ZFPM2: variants seen among roughly 807,000 people sequenced by gnomAD.
ZFPM2 encodes the protein zinc finger protein ZFPM2.
A neutral mutation model predicts 98.6 loss-of-function variants in ZFPM2; 20 were observed. The observed-to-expected ratio is 0.20, with a 90% CI of 0.14 to 0.29. The LOEUF (loss-of-function observed/expected upper bound fraction) is 0.29. Ranked by LOEUF, ZFPM2 falls within the 10% of genes least tolerant of loss-of-function variation. ZFPM2 has a pLI of 1.00. For missense variants in ZFPM2, 1,310 were observed against 1,388.6 expected (o/e 0.94, Z 0.90); for synonymous variants, 518 against 502.7 (o/e 1.03, Z -0.41).
intron 5 of ZFPM2, among the ~76,000 whole-genome samples, chr8:105,662,074 T>A (rs529197486): frequency 6.6e-6 from 1 of 151,976 alleles, no homozygotes; most frequent in South Asian, 2.1e-4. Flanking sequence ...CCAGCACTTG[T>A]AAGAAATAAA....
At chr8:105,551,447 A>G (rs1436972945) in intron 3 of ZFPM2, among the ~76,000 whole-genome samples, 1 of 152,144 alleles carries the variant, frequency 6.6e-6, no homozygotes, top group Non-Finnish European at 1.5e-5. Flanking sequence ...CTTTTTAAAG[A>G]CACATGGTAC....
In ZFPM2 at chr8:105,496,693, C is replaced by T. The variant is rs561942586; in HGVS notation, c.301+52312C>T. On this transcript the variant is annotated intron_variant, in intron 3 of 7. Transcript: ENST00000407775. ...TTTTGGTTTTTTTTTTTTTTTGAGA[C>T]GGAGTCAGGCCGGGCATGGTGGCTC... Among the ~76,000 whole-genome samples, 481 of 136,812 alleles carry T rather than the reference C, an allele frequency of 3.5e-3. 4 individuals are homozygous for T. The highest frequency in any genetic ancestry group is 9.8e-3 in the South Asian group (41 of 4,170). 89.8% of individuals were successfully genotyped at this position (136,812 alleles called of 152,430 possible). A position where few individuals can be genotyped will look rare whatever the true frequency, so the allele number is the denominator to read the frequency against.
At chr8:105,526,441 T>G (rs1010898054) in intron 3 of ZFPM2, among the ~76,000 whole-genome samples, 13 of 152,286 alleles carry the variant, frequency 8.5e-5, no homozygotes, top group African/African-American at 3.1e-4. Flanking sequence ...AAATCTGATA[T>G]GAAGAGAAGA....
At chr8:105,621,191 C>G (rs1434260113) in intron 4 of ZFPM2, among the ~76,000 whole-genome samples, 1 of 151,998 alleles carries the variant, frequency 6.6e-6, no homozygotes, top group Non-Finnish European at 1.5e-5. Flanking sequence ...TTGTTTGTGT[C>G]CTCTTATTTC....
intron 5 of ZFPM2, among the ~76,000 whole-genome samples, chr8:105,778,894 CTTTTT>C (rs58159246): frequency 7.6e-6 from 1 of 132,380 alleles, no homozygotes; most frequent in Admixed American, 7.6e-5. Context: ...AAACTGTCAT[CTTTTT>C]TTTTTTTTTT....
chr8:105,653,414 A>G (rs1304100579), intron 5 of ZFPM2, among the ~76,000 whole-genome samples: 1 of 152,218 alleles, frequency 6.6e-6, no homozygotes, highest in East Asian at 1.9e-4. Flanking sequence ...ACCTTCATTG[A>G]TACTATGATA....
chr8:105,702,776 G>T (rs780111719), intron 5 of ZFPM2, among the ~76,000 whole-genome samples: 11 of 152,166 alleles, frequency 7.2e-5, no homozygotes, highest in Non-Finnish European at 1.5e-4. Flanking sequence ...ATGTATTTTG[G>T]CATTGTGCCT....
rs1813451372 is a variant in ZFPM2, at chr8:105,495,602, A to C, written c.301+51221A>C. Among the ~76,000 whole-genome samples the C allele has an allele frequency of 2.0e-5, 3 of 151,958 alleles. No individual in the cohort carries two copies. The South Asian group carries it at 6.2e-4, about 32-fold the overall frequency. On this transcript the variant is annotated intron_variant, in intron 3 of 7. Coordinates refer to ENST00000407775, the MANE Select transcript of ZFPM2 (RefSeq NM_012082.4). ...CATAGGTAGGAATTTATTTTATTTG[A>C]TTCTCTTCCTCCTTTTAAGGATATC...
intron 3 of ZFPM2, among the ~76,000 whole-genome samples, chr8:105,476,284 C>T (rs576302538): frequency 1.3e-5 from 2 of 152,140 alleles, no homozygotes; most frequent in Non-Finnish European, 2.9e-5. Flanking sequence ...AGGTGAGTGG[C>T]GGGCGAGTGA....
Position 105,798,787 on chromosome 8 carries a change from A to C in ZFPM2, c.803A>C (p.His268Pro). The C allele has an allele frequency of 6.2e-7, 1 of 1,613,910 alleles. No individual in the cohort carries two copies. Among genetic ancestry groups the C allele is most frequent in the Non-Finnish European group, 8.5e-7 (1 of 1,179,854 alleles). ...CGGAGTGAGCGGAATCTGCAGGCCC[A>C]TTTGATGTACTACTGCAGTGGGAGG... ...WYRSERNLQA[H>P]LMYYCSGRQR... The change falls in exon 7 of 8, where the codon CAT becomes CCT. Residue 268 changes from histidine to proline, a missense_variant. Physicochemically the swap from His to Pro is moderately conservative, Grantham distance 77. Coordinates refer to ENST00000407775, the MANE Select transcript of ZFPM2 (RefSeq NM_012082.4).
chr8:105,681,727 T>C (rs1389522813), intron 5 of ZFPM2, among the ~76,000 whole-genome samples: 1 of 152,124 alleles, frequency 6.6e-6, no homozygotes, highest in East Asian at 1.9e-4. Context: ...CCCCTGTAAA[T>C]AAGTAGTGTC....
At chr8:105,339,677 T>G (rs1397144599) in intron 1 of ZFPM2, among the ~76,000 whole-genome samples, 1 of 151,804 alleles carries the variant, frequency 6.6e-6, no homozygotes, top group Non-Finnish European at 1.5e-5. Flanking sequence ...TAGATCAGAG[T>G]TGAACTCTGC....
At chr8:105,607,567 A>G (rs1816221280) in intron 4 of ZFPM2, among the ~76,000 whole-genome samples, 1 of 152,086 alleles carries the variant, frequency 6.6e-6, no homozygotes, top group Non-Finnish European at 1.5e-5. Context: ...CAAGAAGTAT[A>G]ACTCCAAAGA....
chr8:105,500,004 C>T lies in ZFPM2; in HGVS notation c.301+55623C>T, dbSNP rs963563010. Among the ~76,000 whole-genome samples the T allele has an allele frequency of 5.3e-5, 8 of 152,112 alleles. 1 individual carries two copies. Among genetic ancestry groups the T allele is most frequent in the African/African-American group, 1.4e-4 (6 of 41,422 alleles). On this transcript the variant is annotated intron_variant, in intron 3 of 7. Coordinates refer to ENST00000407775, the MANE Select transcript of ZFPM2 (RefSeq NM_012082.4). The stretch of plus-strand genomic sequence containing the variant: ...AAATAATCTTGGATACGTTTTGTTT[C>T]GCATTTTGGTGAAACAGTTACTTGT...
intron 3 of ZFPM2, among the ~76,000 whole-genome samples, chr8:105,490,537 A>G (rs1340985522): frequency 6.6e-6 from 1 of 152,224 alleles, no homozygotes; most frequent in African/African-American, 2.4e-5. Flanking sequence ...AGGTATAACT[A>G]TGTTTACATA....
intron 4 of ZFPM2, among the ~76,000 whole-genome samples, chr8:105,624,966 C>G (rs1023098893): frequency 1.2e-4 from 19 of 152,302 alleles, no homozygotes; most frequent in African/African-American, 4.6e-4. Context: ...ATACCACATT[C>G]TACTCGAAGA....
At chr8:105,355,759 A>G (rs1342993706) in intron 1 of ZFPM2, among the ~76,000 whole-genome samples, 1 of 152,234 alleles carries the variant, frequency 6.6e-6, no homozygotes. Context: ...TTTGACCAAC[A>G]TAGTTTAGGT....
chr8:105,502,414 A>G (rs557785495), intron 3 of ZFPM2, among the ~76,000 whole-genome samples: 22 of 152,272 alleles, frequency 1.4e-4, no homozygotes, highest in African/African-American at 4.1e-4. Context: ...TAATTAATAC[A>G]TGGGAGAACT....
At chr8:105,441,483 A>G (rs1452779933) in intron 2 of ZFPM2, among the ~76,000 whole-genome samples, 359 of 48,390 alleles carry the variant, frequency 7.4e-3, no homozygotes, top group South Asian at 0.017. Flanking sequence ...AGAAAGAAAG[A>G]AAGAAAGAAA....
Sources: gnomAD v4.1 joint callset for allele counts (sites outside exome capture counted in the v4.1 genomes callset) on GRCh38, gnomAD v4.1.1 for gene constraint, MANE v1.5 for transcripts, NCBI Gene and HGNC (gene_info 2026-07-23, HGNC 2026-07-21) for gene names.